Variants in SLC16A10 observed in about 807,000 individuals in gnomAD.
The protein encoded by SLC16A10 is solute carrier family 16 member 10, also known as monocarboxylate transporter 10.
In SLC16A10, 27 loss-of-function variants were observed where a neutral mutation model predicts 40.0. The ratio of observed to expected loss-of-function variants is 0.67; its 90% CI spans 0.50 to 0.93. SLC16A10 has a LOEUF of 0.93. Among genes scored for constraint, SLC16A10 ranks in the 40% least tolerant of loss-of-function variants. The pLI, the probability that SLC16A10 is intolerant of heterozygous loss-of-function variation, is 0.00. For synonymous variants in SLC16A10, 213 were observed against 249.8 expected, an observed-to-expected ratio of 0.85 and a Z score of 1.39; for missense variants, 529 against 658.2, an observed-to-expected ratio of 0.80 and a Z score of 2.15.
chr6:111,142,743 C>T (rs1290616862), intron 1 of SLC16A10, among the ~76,000 whole-genome samples: 3 of 152,176 alleles, frequency 2.0e-5, no homozygotes, highest in African/African-American at 7.2e-5. Context: ...GGATGTGGGA[C>T]AACAGGAACT....
rs975596765 is a variant in SLC16A10, at chr6:111,218,594, T to C, written c.1087-220T>C. Among the ~76,000 whole-genome samples the C allele has an allele frequency of 1.1e-4, 17 of 152,084 alleles. 1 individual carries two copies. Among genetic ancestry groups the C allele is most frequent in the Non-Finnish European group, 5.9e-5 (4 of 68,010 alleles). On this transcript the variant is annotated intron_variant, in intron 4 of 5. Coordinates refer to ENST00000368851, the MANE Select transcript of SLC16A10 (RefSeq NM_018593.5). Reference sequence around the variant, plus strand: ...ACTCCAGCTCAAAAACAATACGTTTTTTTAATCTTGTCCCTTAATGGAAAT... The same window carrying C: ...ACTCCAGCTCAAAAACAATACGTTTCTTTAATCTTGTCCCTTAATGGAAAT...
At chr6:111,127,034 T>C (rs941183980) in intron 1 of SLC16A10, among the ~76,000 whole-genome samples, 3 of 152,172 alleles carry the variant, frequency 2.0e-5, no homozygotes, top group African/African-American at 7.2e-5. Flanking sequence ...TCAATAAATA[T>C]TGGTAGTATT....
At position 111,222,251 on chromosome 6, in the gene SLC16A10, C is replaced by T. The variant is rs373930541; in HGVS notation, c.*16C>T. 4.2e-4 allele frequency: 665 copies of T among 1,574,370 alleles called. No individual in the cohort carries two copies. The highest frequency in any genetic ancestry group is 5.4e-4 in the Non-Finnish European group (634 of 1,168,940). On this transcript the variant is annotated 3_prime_UTR_variant, in exon 6 of 6. Transcript: ENST00000368851. ...TATTATTTAATATCTTACATACCTC[C>T]ACCAGACTGGACTTGCTTTTTGAAT...
At chr6:111,100,679 G>A (rs1771159327) in intron 1 of SLC16A10, among the ~76,000 whole-genome samples, 1 of 151,748 alleles carries the variant, frequency 6.6e-6, no homozygotes, top group South Asian at 2.1e-4. Context: ...CACCGTGCCC[G>A]GCCTACAGTT....
chr6:111,199,646 A>G lies in SLC16A10; in HGVS notation c.943-6946A>G, dbSNP rs577504802. ...TAAAAATCCTAGTGATTTATTTTCT[A>G]TTTTAAGATGAAGTCTACTTTAAAC... On this transcript the variant is annotated intron_variant, in intron 3 of 5. Coordinates refer to ENST00000368851, the MANE Select transcript of SLC16A10 (RefSeq NM_018593.5). Among the ~76,000 whole-genome samples the G allele has an allele frequency of 5.1e-4, 78 of 152,238 alleles. 2 individuals are homozygous for G. The South Asian group carries it at 0.015, about 30-fold the overall frequency.
chr6:111,156,152 A>G (rs1772265911), intron 1 of SLC16A10, among the ~76,000 whole-genome samples: 2 of 152,218 alleles, frequency 1.3e-5, no homozygotes, highest in African/African-American at 2.4e-5. Flanking sequence ...CGAGTCCATA[A>G]TGATATAAAC....
chr6:111,229,391 A>G lies in SLC16A10; in HGVS notation c.*7156A>G, dbSNP rs933265600. 2 of 152,230 alleles carry G rather than the reference A, an allele frequency of 1.3e-5. No homozygotes were observed. Among genetic ancestry groups the G allele is most frequent in the African/African-American group, 4.8e-5 (2 of 41,452 alleles). The allele number at this position is 152,230 out of a possible 1,614,324, so 9.4% of individuals were successfully genotyped here. A position where few individuals can be genotyped will look rare whatever the true frequency, so the allele number is the denominator to read the frequency against. On this transcript the variant is annotated 3_prime_UTR_variant, in exon 6 of 6. Transcript: ENST00000368851. ...TCACCAAATGAGAATGTTCTAATGA[A>G]CACAACCTCCCAAGGTAATAATTTT...
intron 3 of SLC16A10, among the ~76,000 whole-genome samples, chr6:111,187,485 C>G (rs887039126): frequency 2.0e-5 from 3 of 152,028 alleles, no homozygotes; most frequent in Non-Finnish European, 4.4e-5. Context: ...TCCCCCTGCC[C>G]TACAAAAAAA....
intron 1 of SLC16A10, among the ~76,000 whole-genome samples, chr6:111,147,940 G>A (rs1772108128): frequency 6.6e-6 from 1 of 152,156 alleles, no homozygotes. Context: ...GACTCTGAAG[G>A]AGTGTTGCTG....
At chr6:111,192,848 C>G (rs755462989) in intron 3 of SLC16A10, among the ~76,000 whole-genome samples, 2 of 152,132 alleles carry the variant, frequency 1.3e-5, no homozygotes, top group Non-Finnish European at 2.9e-5. Flanking sequence ...ACAGGAAAAA[C>G]CCACCCCCAT....
rs191038973 is a variant in SLC16A10 at position 111,099,517 on chromosome 6, G to A, written c.343+11422G>A. On this transcript the variant is annotated intron_variant, in intron 1 of 5. Transcript: ENST00000368851. ...TTTTGTAGAGATGGGGTCTCACCACGTTGCCCAGGTTGGTCTTGAACTCCT... is the reference window on the plus strand; with the variant it reads ...TTTTGTAGAGATGGGGTCTCACCACATTGCCCAGGTTGGTCTTGAACTCCT... Among the ~76,000 whole-genome samples the A allele has an allele frequency of 5.9e-5, 9 of 151,984 alleles. No individual in the cohort carries two copies. In the East Asian group the frequency reaches 9.8e-4, roughly 17 times the overall value.
At chr6:111,187,797 C>T (rs1772924258) in intron 3 of SLC16A10, among the ~76,000 whole-genome samples, 1 of 152,220 alleles carries the variant, frequency 6.6e-6, no homozygotes, top group African/African-American at 2.4e-5. Flanking sequence ...AGAGCAATTG[C>T]AACTGGCTTT....
chr6:111,116,495 G>C (rs1771489825), intron 1 of SLC16A10, among the ~76,000 whole-genome samples: 1 of 152,104 alleles, frequency 6.6e-6, no homozygotes, highest in Non-Finnish European at 1.5e-5. Context: ...TGGGATTACA[G>C]GCATGAGACA....
intron 4 of SLC16A10, among the ~76,000 whole-genome samples, chr6:111,213,042 T>G (rs1289573022): frequency 6.6e-6 from 1 of 152,166 alleles, no homozygotes; most frequent in Non-Finnish European, 1.5e-5. Flanking sequence ...TAATGTAATA[T>G]ATAAGTGTTT....
intron 1 of SLC16A10, among the ~76,000 whole-genome samples, chr6:111,164,880 A>G (rs965818811): frequency 5.3e-5 from 8 of 152,362 alleles, no homozygotes; most frequent in African/African-American, 1.9e-4. Context: ...GTATTTTACC[A>G]ATAATCTCTA....
At position 111,165,958 on chromosome 6, in the gene SLC16A10, C is replaced by T. The variant is rs143711768; in HGVS notation, c.344-6737C>T. Among the ~76,000 whole-genome samples the T allele has an allele frequency of 4.9e-4, 75 of 152,234 alleles. No homozygotes were observed. The East Asian group carries it at 0.01, about 21-fold the overall frequency. ...CATAAAACAAGATGGAGACCTTATT[C>T]AGTTTTTTTTCCTTCAGAGACCTGT... is the stretch of plus-strand genomic sequence containing the variant. On this transcript the variant is annotated intron_variant, in intron 1 of 5. Transcript: ENST00000368851.
At chr6:111,182,321 TTTTTTTTTTTTC>T (rs1010667666) in intron 3 of SLC16A10, among the ~76,000 whole-genome samples, 6 of 143,448 alleles carry the variant, frequency 4.2e-5, no homozygotes, top group Admixed American at 1.4e-4. Context: ...TTTTTTTTTT[TTTTTTTTTTTTC>T]CTTTTTAACG....
At chr6:111,154,627 G>A (rs1772235052) in intron 1 of SLC16A10, among the ~76,000 whole-genome samples, 1 of 152,156 alleles carries the variant, frequency 6.6e-6, no homozygotes, top group Non-Finnish European at 1.5e-5. Flanking sequence ...CCTTATAGTG[G>A]AGGTAATAAT....
chr6:111,222,195 C>A lies in SLC16A10; in HGVS notation c.1508C>A (p.Ser503Ter), dbSNP rs754749723. 4 of 1,606,800 alleles carry A rather than the reference C, an allele frequency of 2.5e-6. No individual in the cohort carries two copies. The highest frequency in any genetic ancestry group is 2.5e-6 in the Non-Finnish European group (3 of 1,177,992). The change falls in exon 6 of 6, where the codon TCA (serine) becomes TAA (stop). Residue 503 changes from serine (S) to a stop codon, truncating the protein, a stop_gained. Coordinates refer to ENST00000368851, the MANE Select transcript of SLC16A10 (RefSeq NM_018593.5). LOFTEE classifies it high-confidence loss of function. ...LENQNSLLSSSSGMFKKESDS... is the reference protein window; with the variant it reads ...LENQNSLLSS ...AACCAGAACTCTCTGCTGTCAAGTT[C>A]ATCTGGAATGTTCAAGAAAGAATCT...
Sources: allele counts gnomAD v4.1 joint callset (sites outside exome capture counted in the v4.1 genomes callset), GRCh38; gene constraint gnomAD v4.1.1; transcripts MANE v1.5; gene names NCBI Gene and HGNC (gene_info 2026-07-23, HGNC 2026-07-21).